PACSIN2: variants seen among roughly 807,000 people sequenced by gnomAD.
PACSIN2 encodes protein kinase C and casein kinase substrate in neurons 2, also known as protein kinase C and casein kinase substrate in neurons protein 2.
Under a neutral mutation model 63.8 loss-of-function variants are expected in PACSIN2, and 25 were observed. The observed-to-expected ratio is 0.39, with a 90% CI of 0.29 to 0.55. The LOEUF (loss-of-function observed/expected upper bound fraction) is 0.55, where lower values mean the gene tolerates loss of function less well. PACSIN2 is among the 20% of genes least tolerant of loss of function. PACSIN2 has a pLI of 0.62. For missense variants in PACSIN2, 518 were observed against 646.9 expected (o/e 0.80, Z 2.16); for synonymous variants, 255 against 256.2 (o/e 1.00, Z 0.05).
intron 1 of PACSIN2, among the ~76,000 whole-genome samples, chr22:42,918,599 A>C (rs1931960954): frequency 6.6e-6 from 1 of 152,188 alleles, no homozygotes; most frequent in African/African-American, 2.4e-5. Flanking sequence ...CTAGGCTGAG[A>C]CTCAACCCAG....
chr22:42,982,023 C>G (rs1466819995), intron 1 of PACSIN2, among the ~76,000 whole-genome samples: 1 of 112,556 alleles, frequency 8.9e-6, no homozygotes, highest in Non-Finnish European at 1.9e-5. Flanking sequence ...CCCTTCCGGC[C>G]GGCCGCCCCG....
At chr22:42,974,259 C>T (rs369333766) in intron 1 of PACSIN2, among the ~76,000 whole-genome samples, 2 of 152,210 alleles carry the variant, frequency 1.3e-5, no homozygotes, top group Admixed American at 6.5e-5. Context: ...AAGGGCCTGG[C>T]GCCTGAACCG....
rs991786704 is a variant in PACSIN2 at position 42,891,042 on chromosome 22, A to G, written c.358T>C (p.Phe120Leu). The G allele has an allele frequency of 3.7e-6, 6 of 1,613,988 alleles. No individual in the cohort carries two copies. In the African/African-American group the frequency reaches 8.0e-5, roughly 22 times the overall value. ...EKIKNWQKEA[F>L]HKQMMGGFKE... The stretch of plus-strand genomic sequence containing the variant: ...AAGCCGCCCATCATCTGCTTGTGAA[A>G]GGCTTCCTTCTGCCAGTTCTTGATC... Residue 120 changes from phenylalanine to leucine, a missense_variant, in exon 4 of 11, where the codon TTT becomes CTT. Physicochemically the swap from Phe to Leu is conservative, Grantham distance 22. Around this residue, in one of 2 missense-constraint regions of PACSIN2, gnomAD observed 507 missense variants for 612.3 expected, o/e 0.83. Coordinates refer to ENST00000263246, the MANE Select transcript of PACSIN2 (RefSeq NM_001184970.3).
intron 1 of PACSIN2, among the ~76,000 whole-genome samples, chr22:43,007,274 T>C (rs1205284729): frequency 1.3e-5 from 2 of 150,850 alleles, no homozygotes; most frequent in Admixed American, 6.6e-5. Context: ...TGGAATGAAG[T>C]AGCACTATCC....
intron 1 of PACSIN2, among the ~76,000 whole-genome samples, chr22:42,981,797 G>C (rs1231612941): frequency 8.0e-6 from 1 of 125,214 alleles, no homozygotes; most frequent in Non-Finnish European, 1.7e-5. Flanking sequence ...CCCCCGCCCG[G>C]CCAGCCGCCC....
intron 1 of PACSIN2, among the ~76,000 whole-genome samples, chr22:42,976,715 C>G (rs1190765394): frequency 6.6e-6 from 1 of 152,218 alleles, no homozygotes; most frequent in Non-Finnish European, 1.5e-5. Flanking sequence ...TAACTGAGCA[C>G]TTATTATGCA....
chr22:42,944,355 A>G (rs1446050365), intron 1 of PACSIN2, among the ~76,000 whole-genome samples: 1 of 152,250 alleles, frequency 6.6e-6, no homozygotes, highest in African/African-American at 2.4e-5. Flanking sequence ...CATGCAGGAA[A>G]AAAAAGCACA....
chr22:42,962,018 C>T (rs2076076460), intron 1 of PACSIN2, among the ~76,000 whole-genome samples: 1 of 152,132 alleles, frequency 6.6e-6, no homozygotes, highest in South Asian at 2.1e-4. Context: ...GAGTGCCACG[C>T]CCGCCACAGC....
chr22:43,010,583 G>A (rs554740911), intron 1 of PACSIN2, among the ~76,000 whole-genome samples: 4 of 152,012 alleles, frequency 2.6e-5, no homozygotes, highest in South Asian at 2.1e-4. Context: ...GGCGGCGGGC[G>A]CCTGTAGTCC....
chr22:42,995,309 T>C (rs983672334), intron 1 of PACSIN2, among the ~76,000 whole-genome samples: 1 of 152,228 alleles, frequency 6.6e-6, no homozygotes, highest in Non-Finnish European at 1.5e-5. Context: ...TACAAAGTTA[T>C]TCAATGCAAA....
chr22:42,979,061 T>C (rs974705696), intron 1 of PACSIN2, among the ~76,000 whole-genome samples: 50 of 152,214 alleles, frequency 3.3e-4, no homozygotes, highest in African/African-American at 1.2e-3. Context: ...CCCTGCAGTA[T>C]AGCACAGACA....
intron 1 of PACSIN2, among the ~76,000 whole-genome samples, chr22:42,932,307 T>C (rs1932795986): frequency 6.6e-6 from 1 of 152,178 alleles, no homozygotes; most frequent in African/African-American, 2.4e-5. Flanking sequence ...GGGCATCCCT[T>C]AGAGAATCTA....
At chr22:42,975,000 A>C (rs1007604852) in intron 1 of PACSIN2, among the ~76,000 whole-genome samples, 1 of 152,140 alleles carries the variant, frequency 6.6e-6, no homozygotes, top group African/African-American at 2.4e-5. Context: ...CAGGGCCTAG[A>C]ATGTGGGTCA....
At chr22:42,914,525 T>C (rs1931682710) in intron 1 of PACSIN2, among the ~76,000 whole-genome samples, 1 of 152,128 alleles carries the variant, frequency 6.6e-6, no homozygotes, top group South Asian at 2.1e-4. Context: ...GTGAGCCTTT[T>C]TTCTATGGAA....
intron 3 of PACSIN2, among the ~76,000 whole-genome samples, chr22:42,892,934 G>GGCACTAA (rs1470134450): frequency 1.3e-5 from 2 of 152,208 alleles, no homozygotes; most frequent in African/African-American, 4.8e-5. Context: ...ACACAACAGT[G>GGCACTAA]GCACTAATAA....
intron 1 of PACSIN2, among the ~76,000 whole-genome samples, chr22:42,955,249 C>T (rs1016725356): frequency 6.6e-6 from 1 of 152,032 alleles, no homozygotes; most frequent in Non-Finnish European, 1.5e-5. Flanking sequence ...ATGTGAACTG[C>T]GTGGACAAGA....
chr22:42,993,365 G>C (rs1401849684), intron 1 of PACSIN2, among the ~76,000 whole-genome samples: 1 of 152,164 alleles, frequency 6.6e-6, no homozygotes, highest in East Asian at 1.9e-4. Flanking sequence ...TATCTTCTTT[G>C]CAATGATGGC....
chr22:42,925,353 G>A (rs1932472371), intron 1 of PACSIN2, among the ~76,000 whole-genome samples: 1 of 152,032 alleles, frequency 6.6e-6, no homozygotes, highest in Admixed American at 6.5e-5. Context: ...GGTGGCGCAT[G>A]CCTGTAGTTC....
Position 42,876,230 on chromosome 22 carries a change from A to C in PACSIN2, c.1255T>G (p.Phe419Val), listed in dbSNP as rs1928611357. 6.2e-7 allele frequency: 1 copy of C among 1,614,032 alleles called. No homozygotes were observed. The highest frequency in any genetic ancestry group is 1.3e-5 in the African/African-American group (1 of 74,916). Residue 419 changes from phenylalanine to valine, a missense_variant, in exon 10 of 11, where the codon TTC becomes GTC. By Grantham distance (50) the Phe-to-Val change is conservative. Around this residue, in one of 2 missense-constraint regions of PACSIN2, gnomAD observed 507 missense variants for 612.3 expected, o/e 0.83. Coordinates refer to ENST00000263246, the MANE Select transcript of PACSIN2 (RefSeq NM_001184970.3). ...GTCCCCGAGGTGGCGTCGTCGTCGA[A>C]TGGATTCGAGTCCCCATTGGCATCC... ...STDANGDSNPFDDDATSGTEV... is the reference protein window; with the variant it reads ...STDANGDSNPVDDDATSGTEV...
Sources: gnomAD v4.1 joint callset for allele counts (sites outside exome capture counted in the v4.1 genomes callset) on GRCh38, gnomAD v4.1.1 for gene constraint, gnomAD v4.1.1 regional missense constraint, MANE v1.5 for transcripts, NCBI Gene and HGNC (gene_info 2026-07-23, HGNC 2026-07-21) for gene names.